Variants in IDE observed in about 807,000 individuals in gnomAD.
IDE encodes the protein insulin-degrading enzyme.
IDE carries 58 observed loss-of-function variants against 133.2 expected under a neutral mutation model. That is an observed-to-expected ratio of 0.44 (90% confidence interval 0.35 to 0.54). IDE has a LOEUF of 0.54. Among genes scored for constraint, IDE ranks in the 20% least tolerant of loss-of-function variants. IDE has a pLI of 0.00. For missense variants in IDE, 981 were observed against 1,234.0 expected, an observed-to-expected ratio of 0.79 and a Z score of 3.07; for synonymous variants, 396 against 421.3, an observed-to-expected ratio of 0.94 and a Z score of 0.73.
Position 92,456,870 on chromosome 10 carries a change from A to G in IDE, c.2824-439T>C, listed in dbSNP as rs1267727545. On this transcript the variant is annotated intron_variant, in intron 22 of 24. Coordinates refer to ENST00000265986, the MANE Select transcript of IDE (RefSeq NM_004969.4). ...AAAAAAAAAAAAAAAAAAAAAAAAA[A>G]AAAGAAAAAGAAAAAGAAAAGATAC... is the stretch of plus-strand genomic sequence containing the variant. Among the ~76,000 whole-genome samples, 8 of 147,164 alleles carry G rather than the reference A, an allele frequency of 5.4e-5. No individual in the cohort carries two copies. The East Asian group carries it at 7.8e-4, about 14-fold the overall frequency.
At chr10:92,532,307 A>G (rs550497327) in intron 3 of IDE, among the ~76,000 whole-genome samples, 1 of 151,848 alleles carries the variant, frequency 6.6e-6, no homozygotes, top group East Asian at 1.9e-4. Flanking sequence ...AAGGCAGGTC[A>G]TAGTTTTTAG....
chr10:92,490,376 C>CA lies in IDE; in HGVS notation c.1533+116dup, dbSNP rs200512227. The CA allele has an allele frequency of 6.5e-3, 4,649 of 714,624 alleles. 151 individuals carry two copies. The African/African-American group carries it at 0.068, about 10-fold the overall frequency. The allele number at this position is 714,624 out of a possible 1,614,324, so 44.3% of individuals were successfully genotyped here. A position where few individuals can be genotyped will look rare whatever the true frequency, so the allele number is the denominator to read the frequency against. ...CTTGTTGATTTCTCTTAGGATGGTA[C>CA]AGATAACACTAGGTCATCAGTCTTC... On this transcript the variant is annotated intron_variant, in intron 12 of 24. Coordinates refer to ENST00000265986, the MANE Select transcript of IDE (RefSeq NM_004969.4).
intron 3 of IDE, among the ~76,000 whole-genome samples, chr10:92,533,166 T>C (rs1335465982): frequency 1.3e-5 from 2 of 152,200 alleles, no homozygotes; most frequent in African/African-American, 2.4e-5. Context: ...GATCCTCTTA[T>C]ACAAGTGGAT....
chr10:92,494,668 C>T (rs1336375156), intron 11 of IDE, among the ~76,000 whole-genome samples: 2 of 152,066 alleles, frequency 1.3e-5, no homozygotes, highest in Non-Finnish European at 1.5e-5. Flanking sequence ...AAGGAAACAG[C>T]GGGCTAGAAT....
At chr10:92,513,824 G>A (rs1200067828) in intron 5 of IDE, among the ~76,000 whole-genome samples, 3 of 151,848 alleles carry the variant, frequency 2.0e-5, no homozygotes, top group African/African-American at 7.3e-5. Flanking sequence ...CAGGTACTGA[G>A]GATAAAGCAG....
intron 4 of IDE, among the ~76,000 whole-genome samples, chr10:92,530,827 C>T (rs1849883517): frequency 1.3e-5 from 2 of 152,144 alleles, no homozygotes; most frequent in African/African-American, 4.8e-5. Context: ...GCTAATTTCT[C>T]TGACTGCTGT....
chr10:92,490,467 C>G (rs750308372), intron 12 of IDE, 26 bp downstream of exon 12: 9 of 1,354,692 alleles, frequency 6.6e-6, no homozygotes, highest in Non-Finnish European at 9.5e-6. Context: ...ACATGTCAGG[C>G]TTATTCATAG....
chr10:92,560,417 G>C (rs1464332951), intron 1 of IDE, among the ~76,000 whole-genome samples: 1 of 152,196 alleles, frequency 6.6e-6, no homozygotes, highest in East Asian at 1.9e-4. Flanking sequence ...TCGTCTTCTT[G>C]ACTTACTGTA....
intron 9 of IDE, among the ~76,000 whole-genome samples, 157 bp from the exon 10 acceptor site, chr10:92,506,679 T>C (rs761210468): frequency 6.6e-5 from 10 of 152,084 alleles, no homozygotes; most frequent in Admixed American, 6.6e-5. Flanking sequence ...TAGAAATGTA[T>C]AGAATATTTT....
intron 1 of IDE, among the ~76,000 whole-genome samples, chr10:92,572,073 C>A (rs1758240345): frequency 2.0e-5 from 3 of 152,228 alleles, no homozygotes; most frequent in Non-Finnish European, 2.9e-5. Context: ...AAATTTCCAT[C>A]TTTGAGAAAA....
intron 4 of IDE, among the ~76,000 whole-genome samples, chr10:92,529,608 G>A (rs540398710): frequency 6.6e-6 from 1 of 152,202 alleles, no homozygotes; most frequent in East Asian, 1.9e-4. Flanking sequence ...AGGCATGGTG[G>A]CTCATGCCTG....
At chr10:92,533,833 G>C (rs1404588777) in intron 3 of IDE, among the ~76,000 whole-genome samples, 2 of 151,886 alleles carry the variant, frequency 1.3e-5, no homozygotes, top group African/African-American at 2.4e-5. Context: ...AGACCAGCCT[G>C]ACCAACATGG....
chr10:92,496,311 A>G (rs1339518283), intron 11 of IDE, among the ~76,000 whole-genome samples: 1 of 152,284 alleles, frequency 6.6e-6, no homozygotes, highest in Non-Finnish European at 1.5e-5. Flanking sequence ...GGAAAAACTC[A>G]TAATTTAATA....
chr10:92,481,034 G>A (rs911727117), intron 14 of IDE: 2 of 344,464 alleles, frequency 5.8e-6, no homozygotes, highest in African/African-American at 2.2e-5. Context: ...TAAATGTTCT[G>A]CCATTAAATT....
chr10:92,545,335 A>AT (rs1842493707), intron 1 of IDE, among the ~76,000 whole-genome samples: 1 of 152,190 alleles, frequency 6.6e-6, no homozygotes. Context: ...AAGCAATATG[A>AT]TTATGTATAT....
At chr10:92,519,922 T>C (rs968103624) in intron 4 of IDE, among the ~76,000 whole-genome samples, 7 of 152,128 alleles carry the variant, frequency 4.6e-5, no homozygotes, top group African/African-American at 1.7e-4. Context: ...CTGGCCAACA[T>C]GGCAAAACCC....
rs1476950773 is a variant in IDE, at chr10:92,574,027, C to T, written c.-8G>A. On this transcript the variant is annotated 5_prime_UTR_variant, in exon 1 of 25. Coordinates refer to ENST00000265986, the MANE Select transcript of IDE (RefSeq NM_004969.4). ...CGCTAGCCGGTACCGCATTAGCCAGCGCAGTCGCCGGGATCACCGCAAACG... is the reference window on the plus strand; with the variant it reads ...CGCTAGCCGGTACCGCATTAGCCAGTGCAGTCGCCGGGATCACCGCAAACG... 1.3e-6 allele frequency: 2 copies of T among 1,508,428 alleles called. No homozygotes were observed. Among genetic ancestry groups the T allele is most frequent in the African/African-American group, 1.4e-5 (1 of 69,392 alleles). 93.4% of individuals were successfully genotyped at this position (1,508,428 alleles called of 1,614,324 possible). A position where few individuals can be genotyped will look rare whatever the true frequency, so the allele number is the denominator to read the frequency against.
intron 1 of IDE, 22 bp from the exon 2 acceptor site, chr10:92,537,572 A>G: frequency 6.5e-7 from 1 of 1,529,036 alleles, no homozygotes. Flanking sequence ...GAGATTTTTA[A>G]TTGTTGATTT....
chr10:92,498,689 G>A (rs566492309), intron 11 of IDE, among the ~76,000 whole-genome samples: 4 of 152,250 alleles, frequency 2.6e-5, no homozygotes, highest in Admixed American at 1.3e-4. Flanking sequence ...CCCGGGAGGC[G>A]GAGGTGCAGT....
Sources: gnomAD v4.1 joint callset for allele counts (sites outside exome capture counted in the v4.1 genomes callset) on GRCh38, gnomAD v4.1.1 for gene constraint, MANE v1.5 for transcripts, NCBI Gene and HGNC (gene_info 2026-07-23, HGNC 2026-07-21) for gene names.